CSMD2: variants seen among roughly 807,000 people sequenced by gnomAD.
CSMD2 encodes CUB and sushi domain-containing protein 2.
A neutral mutation model predicts 398.5 loss-of-function variants in CSMD2; 130 were observed. That is an observed-to-expected ratio of 0.33 (90% CI 0.28 to 0.38). CSMD2 has a LOEUF of 0.38. Ranked by LOEUF, CSMD2 falls within the 10% of genes least tolerant of loss-of-function variation. The pLI is 1.00. For missense variants in CSMD2, 3,829 were observed against 4,764.9 expected (o/e 0.80, Z 5.78); for synonymous variants, 1,828 against 1,908.5 (o/e 0.96, Z 1.10).
intron 3 of CSMD2, among the ~76,000 whole-genome samples, chr1:34,023,163 A>G (rs901317746): frequency 6.6e-6 from 1 of 152,098 alleles, no homozygotes; most frequent in African/African-American, 2.4e-5. Flanking sequence ...CCTTTAACCC[A>G]ATTAAAGGGT....
rs1270873462 is a variant in CSMD2 at position 33,846,875 on chromosome 1, C to T, written c.1033+9G>A. 4.4e-6 allele frequency: 7 copies of T among 1,580,356 alleles called. No individual in the cohort carries two copies. In the Admixed American group the frequency reaches 8.7e-5, roughly 20 times the overall value. Reference sequence around the variant, plus strand: ...CTGAGGAAGCCAGACAGTCCTGGGACCTGCCTACCTTGGTATTGGGCACTG... The same window carrying T: ...CTGAGGAAGCCAGACAGTCCTGGGATCTGCCTACCTTGGTATTGGGCACTG... On this transcript the variant is annotated intron_variant, in intron 6 of 70. Coordinates refer to ENST00000373381, the MANE Select transcript of CSMD2 (RefSeq NM_001281956.2).
intron 29 of CSMD2, among the ~76,000 whole-genome samples, chr1:33,641,724 C>T (rs758948596): frequency 2.0e-5 from 3 of 152,146 alleles, no homozygotes; most frequent in African/African-American, 7.2e-5. Context: ...AAAAACCCAC[C>T]CCTCTTTGCC....
chr1:33,543,050 T>C (rs937305978), intron 57 of CSMD2, among the ~76,000 whole-genome samples, 154 bp from the exon 58 acceptor site: 5 of 152,114 alleles, frequency 3.3e-5, no homozygotes, highest in African/African-American at 1.2e-4. Context: ...ATCTTGCCCC[T>C]AGACAGGAAG....
At chr1:33,823,670 C>G (rs1658439242) in intron 7 of CSMD2, among the ~76,000 whole-genome samples, 1 of 152,164 alleles carries the variant, frequency 6.6e-6, no homozygotes, top group Admixed American at 6.5e-5. Context: ...CAGCTGTCCA[C>G]AGGGAATTTG....
At position 33,763,166 on chromosome 1, in the gene CSMD2, T is replaced by C. The variant is rs570855657; in HGVS notation, c.1846+9403A>G. 3.9e-5 allele frequency among the ~76,000 whole-genome samples: 6 copies of C among 152,302 alleles called. No individual in the cohort carries two copies. The East Asian group carries it at 9.7e-4, about 25-fold the overall frequency. ...AGGAAAAAAGTCTCTTGGCATGATGTAATCCAAGAGCTCAAGCCTTCCCAT... is the reference window on the plus strand; with the variant it reads ...AGGAAAAAAGTCTCTTGGCATGATGCAATCCAAGAGCTCAAGCCTTCCCAT... On this transcript the variant is annotated intron_variant, in intron 13 of 70. Transcript: ENST00000373381.
chr1:33,883,630 G>A (rs537731758), intron 5 of CSMD2, among the ~76,000 whole-genome samples: 1 of 152,298 alleles, frequency 6.6e-6, no homozygotes, highest in Admixed American at 6.5e-5. Flanking sequence ...GTTTAGTTCA[G>A]AGAAGTATCC....
intron 70 of CSMD2, among the ~76,000 whole-genome samples, chr1:33,517,969 G>A (rs892917580): frequency 2.0e-5 from 3 of 152,268 alleles, no homozygotes; most frequent in African/African-American, 7.2e-5. Flanking sequence ...TTTCCTCGCT[G>A]CACTGCCATT....
At chr1:33,925,887 GTTATT>G (rs953416162) in intron 4 of CSMD2, among the ~76,000 whole-genome samples, 58 of 151,980 alleles carry the variant, frequency 3.8e-4, no homozygotes, top group African/African-American at 1.4e-3. Context: ...CTTTGAAAGT[GTTATT>G]TTCTCTTTCT....
At chr1:33,882,616 T>C (rs1641311295) in intron 5 of CSMD2, among the ~76,000 whole-genome samples, 1 of 152,200 alleles carries the variant, frequency 6.6e-6, no homozygotes, top group Non-Finnish European at 1.5e-5. Context: ...ATGAGTTCAC[T>C]GCAGAGGTCA....
At chr1:33,706,824 GTGTGTA>G (rs1396504621) in intron 22 of CSMD2, among the ~76,000 whole-genome samples, 1 of 150,338 alleles carries the variant, frequency 6.7e-6, no homozygotes, top group Admixed American at 6.6e-5. Context: ...TTGTGCGTGC[GTGTGTA>G]TGTGTGTGTG....
At chr1:34,011,828 T>C (rs1558244182) in intron 3 of CSMD2, among the ~76,000 whole-genome samples, 1 of 152,186 alleles carries the variant, frequency 6.6e-6, no homozygotes, top group Non-Finnish European at 1.5e-5. Context: ...TTCATGATAA[T>C]GATTTTTTCA....
At chr1:33,664,714 A>G (rs1017169786) in intron 25 of CSMD2, among the ~76,000 whole-genome samples, 17 of 152,274 alleles carry the variant, frequency 1.1e-4, no homozygotes, top group African/African-American at 3.9e-4. Context: ...GAGGCAGGAG[A>G]ATGTAATGAA....
At chr1:34,040,766 G>A (rs761925929) in intron 2 of CSMD2, among the ~76,000 whole-genome samples, 16 of 152,104 alleles carry the variant, frequency 1.1e-4, no homozygotes, top group Admixed American at 3.3e-4. Flanking sequence ...AGACTGCTTC[G>A]AACACCTCCA....
intron 39 of CSMD2, among the ~76,000 whole-genome samples, chr1:33,616,166 A>C (rs1313986471): frequency 6.6e-6 from 1 of 152,176 alleles, no homozygotes; most frequent in African/African-American, 2.4e-5. Context: ...TCACTGCCGT[A>C]GCACAGGGTA....
chr1:33,935,842 G>A lies in CSMD2; in HGVS notation c.630C>T (p.Phe210=). 1 of 1,614,204 alleles carries A rather than the reference G, an allele frequency of 6.2e-7. No homozygotes were observed. The part of the protein sequence containing the change: ...KVRYSCNLGF[F]LEGHAVLTCH... ...AGGTGAGCACGGCGTGGCCCTCCAG[G>A]AAGAAGCCAAGGTTGCAGCTGTAGC... is the stretch of plus-strand genomic sequence containing the variant. Residue 210 remains phenylalanine, a synonymous_variant, in exon 4 of 71, where the codon TTC becomes TTT. Coordinates refer to ENST00000373381, the MANE Select transcript of CSMD2 (RefSeq NM_001281956.2).
chr1:34,042,026 T>C (rs999557072), intron 2 of CSMD2, among the ~76,000 whole-genome samples: 16 of 152,244 alleles, frequency 1.1e-4, no homozygotes, highest in Non-Finnish European at 1.9e-4. Flanking sequence ...CTCAGAGACA[T>C]GGCTTTGCTT....
intron 1 of CSMD2, among the ~76,000 whole-genome samples, chr1:34,103,378 T>C (rs1415453468): frequency 2.1e-5 from 3 of 145,624 alleles, no homozygotes; most frequent in Non-Finnish European, 4.5e-5. Context: ...GGCTCACTGC[T>C]ATCTCCGCCT....
chr1:33,860,569 C>G lies in CSMD2; in HGVS notation c.921-13573G>C, dbSNP rs562338536. 10 of 152,278 alleles carry G rather than the reference C, an allele frequency of 6.6e-5. No homozygotes were observed. The East Asian group carries it at 1.9e-3, about 29-fold the overall frequency. The allele number at this position is 152,278 out of a possible 1,614,324, so 9.4% of individuals were successfully genotyped here. A position where few individuals can be genotyped will look rare whatever the true frequency, so the allele number is the denominator to read the frequency against. On this transcript the variant is annotated intron_variant, in intron 5 of 70. Transcript: ENST00000373381. ...AGTGGGTGGCTAAGTCCAGCCCACA[C>G]TGGAGAGGGGGAGTGCCATCTGTTT...
chr1:34,082,527 G>C (rs563358158), intron 2 of CSMD2, among the ~76,000 whole-genome samples: 1 of 152,060 alleles, frequency 6.6e-6, no homozygotes, highest in African/African-American at 2.4e-5. Flanking sequence ...CCACGTCTGG[G>C]GGGTGGGGGG....
Sources: allele counts gnomAD v4.1 joint callset (sites outside exome capture counted in the v4.1 genomes callset), GRCh38; gene constraint gnomAD v4.1.1; transcripts MANE v1.5; gene names NCBI Gene and HGNC (gene_info 2026-07-23, HGNC 2026-07-21).